ASTN1: variants seen among roughly 807,000 people sequenced by gnomAD.
The protein encoded by ASTN1 is astrotactin-1.
ASTN1 carries 41 observed loss-of-function variants against 140.7 expected under a neutral mutation model. That is an observed-to-expected ratio of 0.29 (90% confidence interval 0.23 to 0.38). The LOEUF is 0.38. Ranked by LOEUF, ASTN1 falls within the 10% of genes least tolerant of loss-of-function variation. The pLI is 1.00. For missense variants in ASTN1, 1,479 were observed against 1,678.8 expected (o/e 0.88, Z 2.08); for synonymous variants, 640 against 652.2 (o/e 0.98, Z 0.29).
intron 1 of ASTN1, among the ~76,000 whole-genome samples, chr1:177,092,876 A>T (rs80051689): frequency 0.03 from 4,572 of 152,294 alleles, 111 homozygotes; most frequent in East Asian, 0.11. Context: ...TATTTTAGAC[A>T]TTCAATACTA....
At chr1:176,940,849 A>C (rs1004449252) in intron 14 of ASTN1, among the ~76,000 whole-genome samples, 1 of 152,190 alleles carries the variant, frequency 6.6e-6, no homozygotes, top group Non-Finnish European at 1.5e-5. Flanking sequence ...TCTCTAGTTA[A>C]ATAGACTCGG....
chr1:177,040,347 C>A (rs1484825151), intron 2 of ASTN1, among the ~76,000 whole-genome samples: 2 of 152,184 alleles, frequency 1.3e-5, no homozygotes, highest in Non-Finnish European at 2.9e-5. Context: ...GAATTGCATG[C>A]CCCACTGGCA....
chr1:176,877,482 A>G (rs886932374), intron 20 of ASTN1, among the ~76,000 whole-genome samples: 2 of 152,226 alleles, frequency 1.3e-5, no homozygotes, highest in African/African-American at 2.4e-5. Flanking sequence ...CGCAGTCTCC[A>G]TGACAATGTG....
At chr1:177,079,394 A>G (rs898249432) in intron 1 of ASTN1, among the ~76,000 whole-genome samples, 26 of 152,296 alleles carry the variant, frequency 1.7e-4, no homozygotes, top group African/African-American at 5.8e-4. Flanking sequence ...ACATCCCTTA[A>G]TTATGAGAGT....
At chr1:176,930,779 G>T (rs1226827732) in intron 16 of ASTN1, among the ~76,000 whole-genome samples, 1 of 152,162 alleles carries the variant, frequency 6.6e-6, no homozygotes, top group Non-Finnish European at 1.5e-5. Flanking sequence ...GAGTGAACTG[G>T]AGGTGAGGAA....
chr1:176,934,081 T>G, intron 16 of ASTN1, 71 bp downstream of exon 16: 4 of 1,440,764 alleles, frequency 2.8e-6, no homozygotes. Flanking sequence ...TTAAAATGGG[T>G]CTTATAGATT....
At chr1:177,095,809 G>A (rs1049638637) in intron 1 of ASTN1, among the ~76,000 whole-genome samples, 1 of 152,160 alleles carries the variant, frequency 6.6e-6, no homozygotes, top group African/African-American at 2.4e-5. Context: ...CTCCAGACCA[G>A]TAGAGACACT....
chr1:177,032,764 A>G lies in ASTN1; in HGVS notation c.557T>C (p.Val186Ala), dbSNP rs762840335. 4.3e-6 allele frequency: 7 copies of G among 1,613,318 alleles called. No homozygotes were observed. Among genetic ancestry groups the G allele is most frequent in the Non-Finnish European group, 5.9e-6 (7 of 1,180,010 alleles). The change falls in exon 3 of 23, where the codon GTC becomes GCC. Residue 186 changes from valine to alanine, a missense_variant. By Grantham distance (64) the Val-to-Ala change is moderately conservative. Around this residue, in one of 3 missense-constraint regions of ASTN1, gnomAD observed 729 missense variants for 860.4 expected, o/e 0.85. Transcript: ENST00000361833. ...ACTGGCACTCTTCTGGGGCTGCGGG[A>G]CCCGGCGGCGTTTGCACCAGCGCCG... Reference protein sequence around the residue: ...TRRRWCKRRRVPQPQKSASAE... With the variant: ...TRRRWCKRRRAPQPQKSASAE...
intron 2 of ASTN1, among the ~76,000 whole-genome samples, chr1:177,056,031 G>A (rs954604740): frequency 2.0e-5 from 3 of 152,278 alleles, no homozygotes; most frequent in Admixed American, 1.3e-4. Flanking sequence ...GGTATGAAAT[G>A]AGGCACGGCT....
At chr1:176,954,620 GCTCA>G (rs1008547984) in intron 11 of ASTN1, among the ~76,000 whole-genome samples, 62 of 152,270 alleles carry the variant, frequency 4.1e-4, no homozygotes, top group East Asian at 3.9e-4. Context: ...ACCCTATAGG[GCTCA>G]CTCAATAGAC....
chr1:177,095,430 C>T (rs934269090), intron 1 of ASTN1, among the ~76,000 whole-genome samples: 1 of 152,152 alleles, frequency 6.6e-6, no homozygotes, highest in African/African-American at 2.4e-5. Flanking sequence ...CTCACAATAG[C>T]AGCCCAGAGA....
intron 16 of ASTN1, among the ~76,000 whole-genome samples, chr1:176,919,709 A>G (rs1670649596): frequency 6.6e-6 from 1 of 152,254 alleles, no homozygotes; most frequent in Admixed American, 6.5e-5. Context: ...ACATCAATAT[A>G]TATAGAACCA....
intron 1 of ASTN1, among the ~76,000 whole-genome samples, chr1:177,106,254 A>G (rs1322514864): frequency 6.6e-6 from 1 of 152,124 alleles, no homozygotes. Context: ...ACTTTCTTAA[A>G]TGTTGTTGCT....
At chr1:177,066,854 T>C (rs1037090487) in intron 1 of ASTN1, among the ~76,000 whole-genome samples, 7 of 152,132 alleles carry the variant, frequency 4.6e-5, no homozygotes, top group Non-Finnish European at 1.0e-4. Context: ...CAAGGCTGAG[T>C]GCAAGCTGAA....
chr1:176,994,018 C>CGTGTGTGT (rs66820378), intron 8 of ASTN1, among the ~76,000 whole-genome samples: 26 of 74,242 alleles, frequency 3.5e-4, no homozygotes, highest in African/African-American at 1.7e-3. Context: ...TGTGTGTGTA[C>CGTGTGTGT]GTGTGTGTGT....
chr1:176,873,578 C>T (rs527662023), intron 21 of ASTN1, among the ~76,000 whole-genome samples: 2 of 152,170 alleles, frequency 1.3e-5, no homozygotes, highest in South Asian at 2.1e-4. Flanking sequence ...CTGAGTGCTG[C>T]GAGATCATAT....
At chr1:177,082,654 C>T (rs1200770376) in intron 1 of ASTN1, among the ~76,000 whole-genome samples, 1 of 152,140 alleles carries the variant, frequency 6.6e-6, no homozygotes, top group Non-Finnish European at 1.5e-5. Flanking sequence ...CATGGATTTC[C>T]CTCCCACTCC....
At position 176,868,640 on chromosome 1, in the gene ASTN1, A is replaced by G. The variant is rs555085194; in HGVS notation, c.3647+204T>C. ...AAAATTTTTTTTCAGAGTTCAGGAA[A>G]AGCATTCATGGCTGGACTGCTTAAA... On this transcript the variant is annotated intron_variant, in intron 22 of 22. Transcript: ENST00000361833. Among the ~76,000 whole-genome samples, 3 of 152,292 alleles carry G rather than the reference A, an allele frequency of 2.0e-5. No homozygotes were observed. In the East Asian group the frequency reaches 5.8e-4, roughly 29 times the overall value.
At chr1:177,075,423 CAAAA>C (rs5778926) in intron 1 of ASTN1, among the ~76,000 whole-genome samples, 8,290 of 145,622 alleles carry the variant, frequency 0.057, 270 homozygotes, top group South Asian at 0.13. Context: ...TTTCATTCAT[CAAAA>C]AAAAAAAAAA....
Sources: gnomAD v4.1 joint callset for allele counts (sites outside exome capture counted in the v4.1 genomes callset) on GRCh38, gnomAD v4.1.1 for gene constraint, gnomAD v4.1.1 regional missense constraint, MANE v1.5 for transcripts, NCBI Gene and HGNC (gene_info 2026-07-23, HGNC 2026-07-21) for gene names.